The following IKBKB-DT variants were observed in gnomAD, a reference collection of about 807,000 sequenced individuals.
IKBKB-DT encodes the protein IKBKB antisense RNA.
intron 3 of IKBKB-DT, chr8:42,255,549 A>C (rs1031890420): frequency 1.3e-5 from 2 of 152,224 alleles, no homozygotes; most frequent in African/African-American, 4.8e-5. Context: ...CCACATAAGC[A>C]AAGTATGAGG....
intron 3 of IKBKB-DT, among the ~76,000 whole-genome samples, chr8:42,249,645 G>A (rs1302170657): frequency 6.6e-6 from 1 of 152,082 alleles, no homozygotes; most frequent in Non-Finnish European, 1.5e-5. Context: ...AGATCTCAGG[G>A]TTGCACTTAA....
rs188359629 is a variant in IKBKB-DT, at chr8:42,264,848, C to G, written n.1385+767G>C. On this transcript the variant is annotated intron_variant and non_coding_transcript_variant, in intron 2 of 3. Transcript: ENST00000518213. ...TGCTGGGATTACAGGTGTGAGCCACCATGCCGGGCCTTAAACATTTTTTTT... is the reference window on the plus strand; with the variant it reads ...TGCTGGGATTACAGGTGTGAGCCACGATGCCGGGCCTTAAACATTTTTTTT... Among the ~76,000 whole-genome samples, 7 of 149,952 alleles carry G rather than the reference C, an allele frequency of 4.7e-5. No homozygotes were observed. In the South Asian group the frequency reaches 6.3e-4, roughly 14 times the overall value.
chr8:42,261,094 G>A (rs1293175749), intron 3 of IKBKB-DT, among the ~76,000 whole-genome samples: 2 of 152,158 alleles, frequency 1.3e-5, no homozygotes, highest in East Asian at 3.8e-4. Flanking sequence ...GGGAGGCTGG[G>A]GCAGGTAGAT....
At chr8:42,244,612 C>T (rs1807040834) in intron 3 of IKBKB-DT, among the ~76,000 whole-genome samples, 1 of 152,088 alleles carries the variant, frequency 6.6e-6, no homozygotes, top group African/African-American at 2.4e-5. Flanking sequence ...TGCAGTGGTG[C>T]TCACTGCAGC....
chr8:42,246,161 T>C (rs1396393160), intron 3 of IKBKB-DT, among the ~76,000 whole-genome samples: 1 of 152,150 alleles, frequency 6.6e-6, no homozygotes, highest in Non-Finnish European at 1.5e-5. Context: ...CTCAACCTCC[T>C]GAGCAGCTGG....
chr8:42,271,239 C>T, exon 1 of IKBKB-DT: 1 of 672,694 alleles, frequency 1.5e-6, no homozygotes, highest in South Asian at 1.6e-5. Context: ...TCGCAGCATC[C>T]GGACCTGGTC....
At chr8:42,261,144 G>A (rs1807282867) in intron 3 of IKBKB-DT, among the ~76,000 whole-genome samples, 1 of 152,100 alleles carries the variant, frequency 6.6e-6, no homozygotes, top group Non-Finnish European at 1.5e-5. Flanking sequence ...TGGGCAACAT[G>A]GTGAGACCCC....
chr8:42,256,669 C>G (rs1473929657), intron 3 of IKBKB-DT, among the ~76,000 whole-genome samples: 1 of 152,028 alleles, frequency 6.6e-6, no homozygotes, highest in East Asian at 1.9e-4. Context: ...CTTTGGTTAG[C>G]AATTTCATGA....
intron 3 of IKBKB-DT, among the ~76,000 whole-genome samples, chr8:42,239,389 C>T (rs562943731): frequency 4.4e-4 from 66 of 151,488 alleles, no homozygotes; most frequent in Non-Finnish European, 7.8e-4. Context: ...TGGCCTGGCC[C>T]GACCTGCTTG....
intron 3 of IKBKB-DT, among the ~76,000 whole-genome samples, chr8:42,242,702 C>A (rs10216333): frequency 0.053 from 8,037 of 152,224 alleles, 683 homozygotes; most frequent in African/African-American, 0.18. Flanking sequence ...GCTTGTATAG[C>A]CAGGGCCACC....
At chr8:42,239,632 A>ATATATATATATATATATATATT (rs1287944961) in intron 3 of IKBKB-DT, among the ~76,000 whole-genome samples, 56 of 86,958 alleles carry the variant, frequency 6.4e-4, no homozygotes, top group African/African-American at 1.4e-3. Context: ...ATATATATAT[A>ATATATATATATATATATATATT]TATTTATTTA....
chr8:42,262,074 T>A (rs542730914), intron 3 of IKBKB-DT, among the ~76,000 whole-genome samples: 10 of 147,632 alleles, frequency 6.8e-5, no homozygotes, highest in Non-Finnish European at 1.2e-4. Flanking sequence ...TTCACCAGAG[T>A]CACTGTCCAA....
chr8:42,245,892 T>G (rs1807057863), intron 3 of IKBKB-DT, among the ~76,000 whole-genome samples: 1 of 152,192 alleles, frequency 6.6e-6, no homozygotes, highest in African/African-American at 2.4e-5. Context: ...AAAGGATGTT[T>G]ATTGCAGCAT....
chr8:42,240,944 C>T (rs1806993992), intron 3 of IKBKB-DT, among the ~76,000 whole-genome samples: 1 of 152,102 alleles, frequency 6.6e-6, no homozygotes, highest in African/African-American at 2.4e-5. Flanking sequence ...CATTGCACTC[C>T]AGCCTGGGCA....
chr8:42,244,723 G>A (rs1055138623), intron 3 of IKBKB-DT, among the ~76,000 whole-genome samples: 43 of 152,086 alleles, frequency 2.8e-4, no homozygotes, highest in African/African-American at 9.7e-4. Flanking sequence ...AGCTACATTG[G>A]GCTGCCGCCT....
intron 3 of IKBKB-DT, among the ~76,000 whole-genome samples, chr8:42,260,988 C>A (rs568054847): frequency 8.3e-4 from 126 of 152,202 alleles, no homozygotes; most frequent in African/African-American, 2.9e-3. Context: ...TTAGAAAACA[C>A]CCCAAGAGCT....
Position 42,255,941 on chromosome 8 carries a change from G to A in IKBKB-DT, n.1529+7388C>T, listed in dbSNP as rs540636677. ...TTTGGGAGGCTGAGGCAGGAGAATCGCTTGAACCCGGGAGGTGGAGGTTGC... is the reference window on the plus strand; with the variant it reads ...TTTGGGAGGCTGAGGCAGGAGAATCACTTGAACCCGGGAGGTGGAGGTTGC... On this transcript the variant is annotated intron_variant and non_coding_transcript_variant, in intron 3 of 3. Coordinates refer to ENST00000518213, the Ensembl canonical transcript of IKBKB-DT. Among the ~76,000 whole-genome samples, 224 of 151,608 alleles carry A rather than the reference G, an allele frequency of 1.5e-3. 5 individuals carry two copies. The South Asian group carries it at 0.038, about 26-fold the overall frequency.
At chr8:42,260,580 G>A (rs1031141254) in intron 3 of IKBKB-DT, among the ~76,000 whole-genome samples, 3 of 148,046 alleles carry the variant, frequency 2.0e-5, no homozygotes, top group Non-Finnish European at 4.4e-5. Flanking sequence ...TGAGGCAGGG[G>A]AATCGCTTGA....
intron 1 of IKBKB-DT, among the ~76,000 whole-genome samples, chr8:42,268,612 G>A (rs56154800): frequency 0.13 from 19,708 of 149,538 alleles, 1,793 homozygotes; most frequent in Non-Finnish European, 0.18. Flanking sequence ...TGTCGCCCAC[G>A]TTGTAGTGCA....
Sources: gnomAD v4.1 joint callset for allele counts (sites outside exome capture counted in the v4.1 genomes callset) on GRCh38, gnomAD v4.1.1 for gene constraint, MANE v1.5 for transcripts, NCBI Gene and HGNC (gene_info 2026-07-23, HGNC 2026-07-21) for gene names.